The following ECPAS variants were observed in gnomAD, a reference collection of about 807,000 sequenced individuals.
The protein encoded by ECPAS is Ecm29 proteasome adaptor and scaffold.
In ECPAS, 70 loss-of-function variants were observed where a neutral mutation model predicts 255.1. The ratio of observed to expected loss-of-function variants is 0.27; its 90% confidence interval spans 0.23 to 0.33. The LOEUF is 0.33. Ranked by LOEUF, ECPAS falls within the 10% of genes least tolerant of loss-of-function variation. The pLI is 1.00. For missense variants in ECPAS, 1,817 were observed against 2,206.4 expected, an observed-to-expected ratio of 0.82 and a Z score of 3.54; for synonymous variants, 784 against 775.0, an observed-to-expected ratio of 1.01 and a Z score of -0.19.
At position 111,385,364 on chromosome 9, in the gene ECPAS, C is replaced by T. The variant is rs1055511551; in HGVS notation, c.3606G>A (p.Thr1202=). The change falls in exon 33 of 50, where the codon ACG becomes ACA. Residue 1202 remains threonine (T), a synonymous_variant. Coordinates refer to ENST00000684092, the MANE Select transcript of ECPAS (RefSeq NM_001364929.1). ...IIDKLPEIWE[T]LFRVQDDIKE... The stretch of plus-strand genomic sequence containing the variant: ...TGATATCATCTTGTACTCTAAAAAG[C>T]GTTTCCCAAATTTCTGGAAGTTTAT... 13 of 1,560,626 alleles carry T rather than the reference C, an allele frequency of 8.3e-6. No individual in the cohort carries two copies. The highest frequency in any genetic ancestry group is 1.4e-5 in the African/African-American group (1 of 73,760).
At chr9:111,427,758 G>C (rs2098223878) in intron 10 of ECPAS, among the ~76,000 whole-genome samples, 1 of 152,108 alleles carries the variant, frequency 6.6e-6, no homozygotes, top group African/African-American at 2.4e-5. Flanking sequence ...CATGAGACCA[G>C]GTATGGAATT....
At chr9:111,391,130 T>G (rs1468147771) in intron 29 of ECPAS, among the ~76,000 whole-genome samples, 1 of 152,186 alleles carries the variant, frequency 6.6e-6, no homozygotes, top group East Asian at 1.9e-4. Context: ...AAGAGGCTGG[T>G]ATCCACTGAA....
At chr9:111,385,567 C>T (rs2098146993) in intron 32 of ECPAS, 125 bp from the exon 33 acceptor site, 1 of 652,804 alleles carries the variant, frequency 1.5e-6, no homozygotes, top group Non-Finnish European at 2.7e-6. Flanking sequence ...CACCCCAAAA[C>T]AGCAATGACT....
Position 111,442,342 on chromosome 9 carries a change from G to C in ECPAS, c.353C>G (p.Thr118Ser), listed in dbSNP as rs1247530342. The stretch of plus-strand genomic sequence containing the variant: ...TGGCTGAGGCTTCCCTTCCATGGCA[G>C]TAAGAAGCGTAGGGGCCAGTTCACA... ...KQCELAPTLLTAMEGKPQPQQ... is the reference protein window; with the variant it reads ...KQCELAPTLLSAMEGKPQPQQ... The change falls in exon 5 of 50, where the codon ACT becomes AGT. Residue 118 changes from threonine (T) to serine (S), a missense_variant. Thr to Ser is a moderately conservative substitution (Grantham distance 58). Coordinates refer to ENST00000684092, the MANE Select transcript of ECPAS (RefSeq NM_001364929.1). 6.2e-7 allele frequency: 1 copy of C among 1,612,804 alleles called. No individual in the cohort carries two copies. The highest frequency in any genetic ancestry group is 1.1e-5 in the South Asian group (1 of 90,710).
rs199912186 is a variant in ECPAS, at chr9:111,378,595, C to G, written c.3939G>C (p.Ala1313=). ...PQVLNYLSLR[A]TEQEKAAMDS... ...ATCCACTCACCTTTTCTTGCTCTGT[C>G]GCCCGGAGGCTCAAATAATTGAGAA... Residue 1313 remains alanine (A), a synonymous_variant, in exon 36 of 50, where the codon GCG becomes GCC. Transcript: ENST00000684092. The G allele has an allele frequency of 3.1e-5, 50 of 1,613,308 alleles. No individual in the cohort carries two copies. Among genetic ancestry groups the G allele is most frequent in the Non-Finnish European group, 4.2e-5 (49 of 1,179,472 alleles).
At chr9:111,445,371 A>G (rs1164828373) in intron 3 of ECPAS, among the ~76,000 whole-genome samples, 1 of 152,018 alleles carries the variant, frequency 6.6e-6, no homozygotes, top group Admixed American at 6.6e-5. Flanking sequence ...ATGTCCCTCA[A>G]GAAGAACAGA....
intron 8 of ECPAS, among the ~76,000 whole-genome samples, chr9:111,431,654 C>A (rs2131847832): frequency 6.6e-6 from 1 of 152,076 alleles, no homozygotes; most frequent in Non-Finnish European, 1.5e-5. Flanking sequence ...TAATGTAATC[C>A]TTCCTTTCAT....
At chr9:111,364,389 C>A (rs1436376830) in intron 48 of ECPAS, among the ~76,000 whole-genome samples, 6 of 152,038 alleles carry the variant, frequency 3.9e-5, no homozygotes, top group Admixed American at 2.6e-4. Flanking sequence ...ACTGGAATAA[C>A]GAATTAGATT....
intron 24 of ECPAS, among the ~76,000 whole-genome samples, chr9:111,400,591 G>A (rs2098174372): frequency 6.6e-6 from 1 of 152,048 alleles, no homozygotes; most frequent in African/African-American, 2.4e-5. Flanking sequence ...AGATTAAAAT[G>A]GGGGAAAAAA....
intron 2 of ECPAS, among the ~76,000 whole-genome samples, chr9:111,470,361 A>C (rs1211719269): frequency 6.6e-6 from 1 of 150,536 alleles, no homozygotes; most frequent in African/African-American, 2.5e-5. Context: ...CCCAGGCTGC[A>C]GTGCAGTGGC....
intron 48 of ECPAS, among the ~76,000 whole-genome samples, chr9:111,364,016 C>T (rs2098117252): frequency 1.3e-5 from 2 of 152,160 alleles, no homozygotes; most frequent in Non-Finnish European, 2.9e-5. Flanking sequence ...CTACATGACC[C>T]TCCTCATTTT....
chr9:111,443,196 C>T (rs1189555120), intron 4 of ECPAS, among the ~76,000 whole-genome samples: 1 of 152,108 alleles, frequency 6.6e-6, no homozygotes, highest in African/African-American at 2.4e-5. Context: ...TTAAGCAAAC[C>T]CATAAATACG....
chr9:111,435,743 G>A (rs948741164), intron 7 of ECPAS, among the ~76,000 whole-genome samples: 11 of 147,450 alleles, frequency 7.5e-5, no homozygotes, highest in African/African-American at 1.5e-4. Flanking sequence ...GCAGTGGCAC[G>A]ATCTCGGCGC....
chr9:111,435,952 T>C (rs2098237573), intron 7 of ECPAS, among the ~76,000 whole-genome samples: 1 of 150,136 alleles, frequency 6.7e-6, no homozygotes, highest in South Asian at 2.1e-4. Context: ...CCTCCCAAAG[T>C]GCTGGGATTA....
At chr9:111,406,517 C>G (rs1395503710) in intron 24 of ECPAS, among the ~76,000 whole-genome samples, 2 of 149,852 alleles carry the variant, frequency 1.3e-5, no homozygotes, top group Non-Finnish European at 2.9e-5. Context: ...CTGACATGCT[C>G]CAAACACAAA....
Position 111,362,107 on chromosome 9 carries a change from T to C in ECPAS, c.5443A>G (p.Thr1815Ala), listed in dbSNP as rs750758684. The C allele has an allele frequency of 3.7e-6, 6 of 1,610,926 alleles. No homozygotes were observed. The South Asian group carries it at 5.5e-5, about 15-fold the overall frequency. ...CRVLLIESLATMEPDSRPELQ... is the reference protein window; with the variant it reads ...CRVLLIESLAAMEPDSRPELQ... ...TCAGGTCTGCTGTCTGGCTCCATAG[T>C]AGCTAAAGACTCAATTAGGAGCACT... Residue 1815 changes from threonine to alanine, a missense_variant, in exon 50 of 50, where the codon ACT becomes GCT. Physicochemically the swap from Thr to Ala is moderately conservative, Grantham distance 58. This residue lies in a region of ECPAS where 960 missense variants were observed against 1,179.0 expected (regional missense o/e 0.81). Transcript: ENST00000684092.
At position 111,371,591 on chromosome 9, in the gene ECPAS, C is replaced by T. The variant is rs773573276; in HGVS notation, c.4737+30G>A. The stretch of plus-strand genomic sequence containing the variant: ...CAAAATGAAAGATGAAGTCAGAATC[C>T]CTTTAACTGGGTATGAATGGTTCCT... On this transcript the variant is annotated intron_variant, in intron 43 of 49. Transcript: ENST00000684092. 111 of 1,571,492 alleles carry T rather than the reference C, an allele frequency of 7.1e-5. No individual in the cohort carries two copies. In the East Asian group the frequency reaches 2.4e-3, roughly 34 times the overall value.
intron 2 of ECPAS, among the ~76,000 whole-genome samples, chr9:111,472,435 G>C (rs2098289806): frequency 1.3e-5 from 2 of 152,032 alleles, no homozygotes; most frequent in South Asian, 4.1e-4. Context: ...CTGAGCCCAG[G>C]AGTTCGAGAC....
At position 111,397,121 on chromosome 9, in the gene ECPAS, G is replaced by A. The variant is rs41308916; in HGVS notation, c.2685C>T (p.Gly895=). The change falls in exon 25 of 50, where the codon GGC becomes GGT. Residue 895 remains glycine, a synonymous_variant. Transcript: ENST00000684092. ...AKQIELQFTI[G]EAITSAAIGT... is the part of the protein sequence containing the mutation. ...CTATTGCAGCACTGGTAATGGCTTC[G>A]CCAATAGTGAACTGAAGTTCTATCT... 2.6e-3 allele frequency: 4,221 copies of A among 1,613,788 alleles called. 10 individuals carry two copies. The highest frequency in any genetic ancestry group is 2.8e-3 in the Non-Finnish European group (3,344 of 1,179,740).
Sources: allele counts gnomAD v4.1 joint callset (sites outside exome capture counted in the v4.1 genomes callset), GRCh38; gene constraint gnomAD v4.1.1; regional missense constraint gnomAD v4.1.1; transcripts MANE v1.5; gene names NCBI Gene and HGNC (gene_info 2026-07-23, HGNC 2026-07-21).